GRTP1: variants seen among roughly 807,000 people sequenced by gnomAD.
GRTP1 encodes the protein growth hormone-regulated TBC protein 1.
Under a neutral mutation model 38.1 loss-of-function variants are expected in GRTP1, and 56 were observed. The ratio of observed to expected loss-of-function variants is 1.47; its 90% CI spans 1.19 to 1.84. The LOEUF (loss-of-function observed/expected upper bound fraction) is 1.84, where lower values mean the gene tolerates loss of function less well. Ranked by LOEUF, GRTP1 falls within the 40% of genes most tolerant of loss-of-function variation. The pLI is 0.00. For synonymous variants in GRTP1, 217 were observed against 189.5 expected, an observed-to-expected ratio of 1.14 and a Z score of -1.19; for missense variants, 506 against 453.9, an observed-to-expected ratio of 1.11 and a Z score of -1.04.
intron 5 of GRTP1, among the ~76,000 whole-genome samples, chr13:113,329,591 A>T (rs1566414312): frequency 6.6e-6 from 1 of 152,174 alleles, no homozygotes; most frequent in Non-Finnish European, 1.5e-5. Flanking sequence ...CTCAAAAAAT[A>T]AAAAATAAAA....
Position 113,324,521 on chromosome 13 carries a change from C to G in GRTP1, c.978G>C (p.Glu326Asp). The change falls in exon 8 of 8, where the codon GAG (glutamate) becomes GAC (aspartate). Residue 326 changes from glutamate (E) to aspartate (D), a missense_variant. By Grantham distance (45) the Glu-to-Asp change is conservative. Coordinates refer to ENST00000375431, the MANE Select transcript of GRTP1 (RefSeq NM_024719.4). Reference sequence around the variant, plus strand: ...GTGCCAGCAGCCGGGCCCTGCAGCTCTCGCGGAGCTTGGCGACGGTGGCCA... The same window carrying G: ...GTGCCAGCAGCCGGGCCCTGCAGCTGTCGCGGAGCTTGGCGACGGTGGCCA... Reference protein sequence around the residue: ...LSMATVAKLRESCRARLLAQG With the variant: ...LSMATVAKLRDSCRARLLAQG 6.2e-7 allele frequency: 1 copy of G among 1,611,866 alleles called. No individual in the cohort carries two copies. The highest frequency in any genetic ancestry group is 8.5e-7 in the Non-Finnish European group (1 of 1,179,200).
At position 113,363,750 on chromosome 13, in the gene GRTP1, C is replaced by T. The variant is rs115609590; in HGVS notation, c.181+12G>A. On this transcript the variant is annotated intron_variant, in intron 2 of 7. Transcript: ENST00000375431. Reference sequence around the variant, plus strand: ...TGCGCCCTCGGGACCCACCTGCGCCCCCGGGACCCACCTGTCCGGCTCCTG... The same window carrying T: ...TGCGCCCTCGGGACCCACCTGCGCCTCCGGGACCCACCTGTCCGGCTCCTG... 6.7e-4 allele frequency: 1,082 copies of T among 1,604,084 alleles called. 3 individuals carry two copies. In the African/African-American group the frequency reaches 0.013, roughly 20 times the overall value.
chr13:113,359,418 C>CA (rs2043454165), intron 2 of GRTP1, among the ~76,000 whole-genome samples: 1 of 152,058 alleles, frequency 6.6e-6, no homozygotes, highest in Non-Finnish European at 1.5e-5. Context: ...TCCATCTCTA[C>CA]AAAAAAACCC....
chr13:113,360,811 C>A (rs4907619), intron 2 of GRTP1, among the ~76,000 whole-genome samples: 149,940 of 152,324 alleles, frequency 0.98, 73,832 homozygotes, highest in Middle Eastern at 1. Context: ...ACATGGTCCA[C>A]TTAACATTAC....
In GRTP1 at chr13:113,346,137, A is replaced by T. The variant is rs1418955051; in HGVS notation, c.466-1178T>A. 2.1e-3 allele frequency among the ~76,000 whole-genome samples: 295 copies of T among 139,302 alleles called. 22 individuals carry two copies. Among genetic ancestry groups the T allele is most frequent in the Middle Eastern group, 7.0e-3 (2 of 284 alleles). 91.4% of individuals were successfully genotyped at this position (139,302 alleles called of 152,430 possible). A position where few individuals can be genotyped will look rare whatever the true frequency, so the allele number is the denominator to read the frequency against. On this transcript the variant is annotated intron_variant, in intron 4 of 7. Transcript: ENST00000375431. ...ACCCGGGAGGACCTCTGTGGACAAG[A>T]GCAGACCCGGGAGGACCTCTGTGCC...
At chr13:113,345,772 G>A (rs1300609266) in intron 4 of GRTP1, among the ~76,000 whole-genome samples, 8 of 152,210 alleles carry the variant, frequency 5.3e-5, no homozygotes, top group East Asian at 1.9e-4. Flanking sequence ...ACTGGAGGAC[G>A]GGCACGCAGC....
rs912296347 is a variant in GRTP1, at chr13:113,343,629, G to A, written c.562+1234C>T. 2.6e-5 allele frequency among the ~76,000 whole-genome samples: 4 copies of A among 152,170 alleles called. No homozygotes were observed. Among genetic ancestry groups the A allele is most frequent in the Non-Finnish European group, 4.4e-5 (3 of 68,030 alleles). ...CAGCACGCAAATTCTCCCGGCCTTC[G>A]GTGTCCTCACCCTGGAAATGGGGTG... On this transcript the variant is annotated intron_variant, in intron 5 of 7. Coordinates refer to ENST00000375431, the MANE Select transcript of GRTP1 (RefSeq NM_024719.4). The surrounding 1 kb of genome is among the most constrained non-coding windows in gnomAD (Gnocchi z 4.8).
chr13:113,326,063 C>A lies in GRTP1; in HGVS notation c.591G>T (p.Leu197=). The A allele has an allele frequency of 6.2e-7, 1 of 1,611,650 alleles. No individual in the cohort carries two copies. The highest frequency in any genetic ancestry group is 1.1e-5 in the South Asian group (1 of 91,058). ...PDYYSPAMLG[L]KTDQEVLGEL... is the part of the protein sequence containing the mutation. Reference sequence around the variant, plus strand: ...CCCCGAGGACCTCCTGGTCGGTCTTCAGGCCCAGCATGGCCGGGCTGTAGT... The same window carrying A: ...CCCCGAGGACCTCCTGGTCGGTCTTAAGGCCCAGCATGGCCGGGCTGTAGT... Residue 197 remains leucine (L), a synonymous_variant, in exon 6 of 8, where the codon CTG becomes CTT. Transcript: ENST00000375431.
At chr13:113,358,273 A>G (rs554626251) in intron 2 of GRTP1, among the ~76,000 whole-genome samples, 1 of 152,368 alleles carries the variant, frequency 6.6e-6, no homozygotes, top group African/African-American at 2.4e-5. Context: ...GTAAAAATCT[A>G]ATGAAGTATT....
intron 4 of GRTP1, 77 bp downstream of exon 4, chr13:113,350,772 G>T: frequency 7.5e-7 from 1 of 1,341,188 alleles, no homozygotes; most frequent in Non-Finnish European, 1.0e-6. Flanking sequence ...ACGTGAGGCC[G>T]TCACTGCCGA....
chr13:113,354,528 AAT>A lies in GRTP1; in HGVS notation c.340+793_340+794del, dbSNP rs1491242403. Among the ~76,000 whole-genome samples, 59 of 150,286 alleles carry A rather than the reference AAT, an allele frequency of 3.9e-4. 1 individual carries two copies. Among genetic ancestry groups the A allele is most frequent in the African/African-American group, 1.2e-3 (48 of 40,928 alleles). ...AAAATCTATTCAATTTAGGTTAACC[AAT>A]ATTTTTTTTTTTTTTGAGATGGAGT... On this transcript the variant is annotated intron_variant, in intron 3 of 7. Coordinates refer to ENST00000375431, the MANE Select transcript of GRTP1 (RefSeq NM_024719.4).
chr13:113,341,804 C>T (rs868661407), intron 5 of GRTP1, among the ~76,000 whole-genome samples: 3 of 152,106 alleles, frequency 2.0e-5, no homozygotes, highest in Admixed American at 6.6e-5. Flanking sequence ...GAAGGCGGGT[C>T]GTCACTTTTG....
chr13:113,330,876 T>C (rs1595476621), intron 5 of GRTP1, among the ~76,000 whole-genome samples: 1 of 4,488 alleles, frequency 2.2e-4, no homozygotes, highest in African/African-American at 1.2e-3. Context: ...GAAGCCCAGG[T>C]GTGTGCATGG....
In GRTP1 at chr13:113,325,121, C is replaced by T. The variant is rs573639719; in HGVS notation, c.921+540G>A. The T allele has an allele frequency of 9.4e-5, 96 of 1,017,558 alleles. No homozygotes were observed. In the South Asian group the frequency reaches 2.1e-3, roughly 22 times the overall value. 63.0% of individuals were successfully genotyped at this position (1,017,558 alleles called of 1,614,324 possible). A position where few individuals can be genotyped will look rare whatever the true frequency, so the allele number is the denominator to read the frequency against. Reference sequence around the variant, plus strand: ...CTGGGACTGCAGGCGTGAGCCACCGCGCCCGGCCAACATGGTCTTCTCTTT... The same window carrying T: ...CTGGGACTGCAGGCGTGAGCCACCGTGCCCGGCCAACATGGTCTTCTCTTT... On this transcript the variant is annotated intron_variant, in intron 7 of 7. Coordinates refer to ENST00000375431, the MANE Select transcript of GRTP1 (RefSeq NM_024719.4).
chr13:113,360,757 T>C (rs2043480531), intron 2 of GRTP1, among the ~76,000 whole-genome samples: 1 of 152,232 alleles, frequency 6.6e-6, no homozygotes, highest in African/African-American at 2.4e-5. Flanking sequence ...GAGATATATT[T>C]GCTCACAGAC....
chr13:113,347,913 GC>G (rs869254755), intron 4 of GRTP1, among the ~76,000 whole-genome samples: 2 of 148,282 alleles, frequency 1.3e-5, no homozygotes, highest in African/African-American at 5.0e-5. Flanking sequence ...GACCTCTGTG[GC>G]CAAGAACGGA....
intron 5 of GRTP1, among the ~76,000 whole-genome samples, chr13:113,327,897 C>T (rs927386873): frequency 6.6e-6 from 1 of 152,154 alleles, no homozygotes; most frequent in Non-Finnish European, 1.5e-5. Context: ...TGACCTTGGC[C>T]CCAGACACAG....
chr13:113,345,953 T>C (rs2043098757), intron 4 of GRTP1, among the ~76,000 whole-genome samples: 4 of 152,186 alleles, frequency 2.6e-5, no homozygotes, highest in African/African-American at 9.6e-5. Flanking sequence ...AAGACCTCTG[T>C]GGCCAAAAGC....
At chr13:113,362,966 C>T (rs891241705) in intron 2 of GRTP1, among the ~76,000 whole-genome samples, 3 of 152,216 alleles carry the variant, frequency 2.0e-5, no homozygotes, top group African/African-American at 7.2e-5. Context: ...TGGCACTGCC[C>T]CAGGTTCTGA....
Sources: gnomAD v4.1 joint callset for allele counts (sites outside exome capture counted in the v4.1 genomes callset) on GRCh38, gnomAD v4.1.1 for gene constraint, Gnocchi (gnomAD v3.1) non-coding constraint, MANE v1.5 for transcripts, NCBI Gene and HGNC (gene_info 2026-07-23, HGNC 2026-07-21) for gene names.